Variants in ANTXR1 observed in about 807,000 individuals in gnomAD.
The protein encoded by ANTXR1 is anthrax toxin receptor 1.
Under a neutral mutation model 78.1 loss-of-function variants are expected in ANTXR1, and 19 were observed. The ratio of observed to expected loss-of-function variants is 0.24; its 90% CI spans 0.17 to 0.36. ANTXR1 has a LOEUF of 0.36. Ranked by LOEUF, ANTXR1 falls within the 10% of genes least tolerant of loss-of-function variation. The pLI, the probability that ANTXR1 is intolerant of heterozygous loss-of-function variation, is 1.00. For missense variants in ANTXR1, 518 were observed against 718.6 expected (o/e 0.72, Z 3.19); for synonymous variants, 273 against 260.5 (o/e 1.05, Z -0.46).
chr2:69,026,248 T>C (rs922343306), intron 1 of ANTXR1, among the ~76,000 whole-genome samples: 3 of 152,234 alleles, frequency 2.0e-5, no homozygotes, highest in Non-Finnish European at 4.4e-5. Flanking sequence ...GACTTCAACA[T>C]GGACTCTAAG....
At chr2:69,130,331 G>A (rs1359353495) in intron 12 of ANTXR1, among the ~76,000 whole-genome samples, 1 of 152,060 alleles carries the variant, frequency 6.6e-6, no homozygotes, top group Non-Finnish European at 1.5e-5. Context: ...TGATTTATAT[G>A]AAAAACAGCC....
chr2:69,104,208 G>T (rs7592451), intron 10 of ANTXR1, among the ~76,000 whole-genome samples: 16 of 152,154 alleles, frequency 1.1e-4, no homozygotes, highest in African/African-American at 3.9e-4. Flanking sequence ...CAAAGTGCTG[G>T]GATTACAGGT....
At chr2:69,086,707 T>C (rs574218739) in intron 8 of ANTXR1, among the ~76,000 whole-genome samples, 25 of 152,216 alleles carry the variant, frequency 1.6e-4, no homozygotes, top group Admixed American at 9.2e-4. Context: ...GCAGTAGCAA[T>C]AGTAATGACA....
chr2:69,190,971 A>G (rs1484605622), intron 16 of ANTXR1, among the ~76,000 whole-genome samples: 1 of 152,104 alleles, frequency 6.6e-6, no homozygotes, highest in Non-Finnish European at 1.5e-5. Context: ...TACAAACCCA[A>G]ATGCTGGGAG....
intron 3 of ANTXR1, among the ~76,000 whole-genome samples, chr2:69,055,024 A>G (rs571277783): frequency 1.6e-4 from 25 of 152,302 alleles, no homozygotes; most frequent in African/African-American, 5.8e-4. Flanking sequence ...GAATGCAATG[A>G]TGACCCCACT....
chr2:69,098,859 GCCTA>G (rs1027386136), intron 9 of ANTXR1, among the ~76,000 whole-genome samples: 1 of 152,160 alleles, frequency 6.6e-6, no homozygotes, highest in African/African-American at 2.4e-5. Flanking sequence ...ACTGGCACAT[GCCTA>G]TAATCCCAGC....
intron 1 of ANTXR1, among the ~76,000 whole-genome samples, chr2:69,022,542 G>T (rs1671223919): frequency 6.6e-6 from 1 of 152,198 alleles, no homozygotes; most frequent in African/African-American, 2.4e-5. Flanking sequence ...AAGAAATTGG[G>T]AAGCTTCCAT....
intron 2 of ANTXR1, among the ~76,000 whole-genome samples, chr2:69,044,528 T>C (rs961214499): frequency 1.1e-4 from 16 of 152,142 alleles, no homozygotes; most frequent in Non-Finnish European, 1.8e-4. Context: ...AGAAGCAGCC[T>C]CAGGAAGATC....
rs1173678610 is a variant in ANTXR1 at position 69,075,674 on chromosome 2, T to C, written c.561+16T>C. 4.3e-6 allele frequency: 7 copies of C among 1,612,898 alleles called. No homozygotes were observed. Among genetic ancestry groups the C allele is most frequent in the Non-Finnish European group, 5.9e-6 (7 of 1,178,934 alleles). On this transcript the variant is annotated intron_variant, in intron 7 of 17. Transcript: ENST00000303714. ...TGAGACACAGGTATGGTAATGGATT[T>C]CCTCAGGTTTGGAGCATACTGAGCT... is the stretch of plus-strand genomic sequence containing the variant.
chr2:69,029,621 T>C (rs1381848042), intron 1 of ANTXR1, among the ~76,000 whole-genome samples: 1 of 152,032 alleles, frequency 6.6e-6, no homozygotes, highest in Non-Finnish European at 1.5e-5. Context: ...TTAGTTTTTT[T>C]ACTCTACACA....
intron 3 of ANTXR1, among the ~76,000 whole-genome samples, chr2:69,066,777 T>A (rs1298567043): frequency 6.6e-6 from 1 of 152,140 alleles, no homozygotes; most frequent in Non-Finnish European, 1.5e-5. Context: ...TTAAGTGTAG[T>A]GGGAGTTGCA....
At chr2:69,200,617 C>A (rs920285411) in intron 17 of ANTXR1, among the ~76,000 whole-genome samples, 2 of 152,148 alleles carry the variant, frequency 1.3e-5, no homozygotes, top group African/African-American at 4.8e-5. Flanking sequence ...TGTTCACTGC[C>A]AATTTCTAAG....
At chr2:69,141,553 C>T (rs1673069421) in intron 12 of ANTXR1, among the ~76,000 whole-genome samples, 1 of 152,162 alleles carries the variant, frequency 6.6e-6, no homozygotes, top group African/African-American at 2.4e-5. Flanking sequence ...TGTCTCGGGT[C>T]TCGACAATTA....
intron 6 of ANTXR1, 139 bp downstream of exon 6, chr2:69,073,240 A>G (rs1670625993): frequency 1.4e-6 from 1 of 723,450 alleles, no homozygotes; most frequent in Admixed American, 2.2e-5. Flanking sequence ...ATAAGTAGAA[A>G]TAATAATAAT....
chr2:69,129,144 A>G (rs1672643659), intron 12 of ANTXR1, among the ~76,000 whole-genome samples: 1 of 152,234 alleles, frequency 6.6e-6, no homozygotes, highest in African/African-American at 2.4e-5. Context: ...CCATCTCTGT[A>G]GTCTTAACTG....
At chr2:69,199,473 G>C (rs933941152) in intron 17 of ANTXR1, among the ~76,000 whole-genome samples, 1 of 152,150 alleles carries the variant, frequency 6.6e-6, no homozygotes, top group Non-Finnish European at 1.5e-5. Context: ...AGAATAACTA[G>C]TCTACCTTAA....
At position 69,146,020 on chromosome 2, in the gene ANTXR1, A is replaced by C. The variant is rs58348148; in HGVS notation, c.952-6149A>C. The C allele has an allele frequency of 1.5e-3, 1,429 of 985,508 alleles. 12 individuals carry two copies. In the African/African-American group the frequency reaches 0.023, roughly 16 times the overall value. 61.0% of individuals were successfully genotyped at this position (985,508 alleles called of 1,614,324 possible). A position where few individuals can be genotyped will look rare whatever the true frequency, so the allele number is the denominator to read the frequency against. On this transcript the variant is annotated intron_variant, in intron 12 of 17. Transcript: ENST00000303714. ...GAGTTGGGAGCAGAGGGAATTAAAG[A>C]AAGCCATGATGCAGGGATTTGGCCA...
intron 10 of ANTXR1, among the ~76,000 whole-genome samples, chr2:69,115,106 C>G (rs773961700): frequency 6.6e-5 from 10 of 152,216 alleles, no homozygotes; most frequent in Non-Finnish European, 1.2e-4. Context: ...TCAGCACCAT[C>G]CCTGGTCTCT....
intron 9 of ANTXR1, among the ~76,000 whole-genome samples, chr2:69,101,808 C>T (rs996180020): frequency 2.0e-5 from 3 of 152,052 alleles, no homozygotes; most frequent in South Asian, 2.1e-4. Context: ...AGCATTATCC[C>T]GAGCCCCAAT....
Sources: allele counts gnomAD v4.1 joint callset (sites outside exome capture counted in the v4.1 genomes callset), GRCh38; gene constraint gnomAD v4.1.1; transcripts MANE v1.5; gene names NCBI Gene and HGNC (gene_info 2026-07-23, HGNC 2026-07-21).